The following FBN1 variants were observed in gnomAD, a reference collection of about 807,000 sequenced individuals.
The protein encoded by FBN1 is fibrillin-1.
FBN1 carries 29 observed loss-of-function variants against 365.1 expected under a neutral mutation model. The observed-to-expected ratio is 0.08, with a 90% CI of 0.06 to 0.11. The LOEUF is 0.11. FBN1 is among the 10% of genes least tolerant of loss of function. The pLI is 1.00. For synonymous variants in FBN1, 1,210 were observed against 1,270.5 expected, an observed-to-expected ratio of 0.95 and a Z score of 1.01; for missense variants, 2,476 against 3,703.2, an observed-to-expected ratio of 0.67 and a Z score of 8.60.
intron 32 of FBN1, among the ~76,000 whole-genome samples, 200 bp downstream of exon 32, chr15:48,481,455 A>G (rs1438655530): frequency 2.0e-5 from 3 of 152,228 alleles, no homozygotes; most frequent in African/African-American, 7.2e-5. Context: ...CCACAGGTCA[A>G]GAAAAAAACC....
At chr15:48,549,389 A>G (rs2044123682) in intron 6 of FBN1, among the ~76,000 whole-genome samples, 1 of 152,238 alleles carries the variant, frequency 6.6e-6, no homozygotes, top group Non-Finnish European at 1.5e-5. Flanking sequence ...CGGCATGTAC[A>G]TGATGCACAG....
In FBN1 at chr15:48,602,868, C is replaced by T. The variant is rs1038815204; in HGVS notation, c.347-2634G>A. Among the ~76,000 whole-genome samples the T allele has an allele frequency of 1.1e-4, 17 of 152,120 alleles. 1 individual carries two copies. Among genetic ancestry groups the T allele is most frequent in the Admixed American group, 3.9e-4 (6 of 15,258 alleles). On this transcript the variant is annotated intron_variant, in intron 4 of 65. Transcript: ENST00000316623. ...ATTTGAAGTTAAACTTAGCTTCATC[C>T]TATCTTAGAAAAACAGTGAGGATTG...
intron 8 of FBN1, among the ~76,000 whole-genome samples, chr15:48,531,034 G>A (rs1342108878): frequency 6.6e-6 from 1 of 152,104 alleles, no homozygotes; most frequent in Non-Finnish European, 1.5e-5. Context: ...AAAGAAAAAT[G>A]TTCATGTGTT....
intron 58 of FBN1, 83 bp from the exon 59 acceptor site, chr15:48,425,947 C>G: frequency 9.1e-7 from 1 of 1,094,976 alleles, no homozygotes; most frequent in Non-Finnish European, 1.4e-6. Context: ...AGTGTAAATA[C>G]TAATAAATTG....
At chr15:48,492,369 C>A in intron 24 of FBN1, 92 bp downstream of exon 24, 1 of 1,306,164 alleles carries the variant, frequency 7.7e-7, no homozygotes, top group East Asian at 2.5e-5. Context: ...GTGTCTGTAC[C>A]TGAAGCTAAG....
intron 5 of FBN1, among the ~76,000 whole-genome samples, chr15:48,599,388 CTA>C (rs2044542804): frequency 6.6e-6 from 1 of 152,004 alleles, no homozygotes; most frequent in Admixed American, 6.5e-5. Context: ...GGTACAAAAA[CTA>C]TATATACAGT....
chr15:48,526,027 C>T lies in FBN1; in HGVS notation c.988+103G>A, dbSNP rs559233444. 2.1e-6 allele frequency: 3 copies of T among 1,450,598 alleles called. No individual in the cohort carries two copies. The South Asian group carries it at 3.4e-5, about 17-fold the overall frequency. 89.9% of individuals were successfully genotyped at this position (1,450,598 alleles called of 1,614,324 possible). ...TTTTCCAAAAATGTACATTTTACCT[C>T]AGTTGATAAATTATATGTGCTCCTT... On this transcript the variant is annotated intron_variant, in intron 9 of 65. Transcript: ENST00000316623.
chr15:48,575,897 T>A (rs1234409119), intron 6 of FBN1, among the ~76,000 whole-genome samples: 1 of 151,488 alleles, frequency 6.6e-6, no homozygotes, highest in Non-Finnish European at 1.5e-5. Context: ...TTTTGCAGCA[T>A]CATGGTTAGA....
At chr15:48,531,772 G>T in intron 8 of FBN1, among the ~76,000 whole-genome samples, 1 of 152,102 alleles carries the variant, frequency 6.6e-6, no homozygotes, top group Non-Finnish European at 1.5e-5. Context: ...TTTCTTACCA[G>T]AGTAAGACAG....
rs2043338407 is a variant in FBN1, at chr15:48,468,109, A to C, written c.4583-7T>G. On this transcript the variant is annotated splice_polypyrimidine_tract_variant and splice_region_variant and intron_variant, in intron 37 of 65. Transcript: ENST00000316623. ...CAATTTCCAGAGCGGGTATCTATTTACCATATACAAACACAAAAGCATCAG... is the reference window on the plus strand; with the variant it reads ...CAATTTCCAGAGCGGGTATCTATTTCCCATATACAAACACAAAAGCATCAG... The C allele has an allele frequency of 1.9e-6, 3 of 1,613,976 alleles. No homozygotes were observed.
At chr15:48,470,916 C>T (rs1203335290) in intron 35 of FBN1, among the ~76,000 whole-genome samples, 160 bp from the exon 36 acceptor site, 1 of 152,156 alleles carries the variant, frequency 6.6e-6, no homozygotes, top group Non-Finnish European at 1.5e-5. Context: ...ATTTGCCATG[C>T]ACAGTGAAGT....
At chr15:48,520,612 T>A in intron 10 of FBN1, 47 bp downstream of exon 10, 2 of 1,610,062 alleles carry the variant, frequency 1.2e-6, no homozygotes, top group Non-Finnish European at 8.5e-7. Flanking sequence ...ACTGGGCTTG[T>A]GAGGGCTGGG....
At chr15:48,452,452 T>A in intron 45 of FBN1, 110 bp downstream of exon 45, 1 of 1,318,710 alleles carries the variant, frequency 7.6e-7, no homozygotes, top group Non-Finnish European at 1.1e-6. Context: ...AATCTAAATC[T>A]TAACTCATAT....
In FBN1 at chr15:48,631,079, T is replaced by C. The variant is rs190358030; in HGVS notation, c.164+13527A>G. Among the ~76,000 whole-genome samples the C allele has an allele frequency of 1.3e-3, 194 of 152,296 alleles. 3 individuals carry two copies. The highest frequency in any genetic ancestry group is 8.9e-3 in the Admixed American group (136 of 15,288). ...TACGAAAGCTATGCCTAAATTAAGA[T>C]AATGTATGTTTTGTTCCACTCTCAC... On this transcript the variant is annotated intron_variant, in intron 2 of 65. Transcript: ENST00000316623.
chr15:48,591,457 A>G (rs2044476108), intron 6 of FBN1, among the ~76,000 whole-genome samples: 1 of 152,216 alleles, frequency 6.6e-6, no homozygotes, highest in African/African-American at 2.4e-5. Flanking sequence ...TTCATTCCAT[A>G]TGTCTACTTC....
At chr15:48,543,719 C>A (rs1453731518) in intron 6 of FBN1, among the ~76,000 whole-genome samples, 2 of 152,112 alleles carry the variant, frequency 1.3e-5, no homozygotes, top group African/African-American at 4.8e-5. Flanking sequence ...GATTAAAAAT[C>A]ATAATAATCA....
chr15:48,545,060 G>C (rs1329185869), intron 6 of FBN1, among the ~76,000 whole-genome samples: 3 of 152,182 alleles, frequency 2.0e-5, no homozygotes. Context: ...TTTGACCACA[G>C]AGCATCAGCT....
intron 8 of FBN1, among the ~76,000 whole-genome samples, chr15:48,531,614 C>T (rs576846715): frequency 1.3e-5 from 2 of 152,282 alleles, no homozygotes; most frequent in African/African-American, 4.8e-5. Context: ...GGCCAGACTT[C>T]CTGGGTTCCC....
intron 56 of FBN1, among the ~76,000 whole-genome samples, chr15:48,430,211 A>G (rs907557614): frequency 6.6e-6 from 1 of 152,214 alleles, no homozygotes; most frequent in African/African-American, 2.4e-5. Context: ...GAGCTTTAAA[A>G]AAATATCAGT....
Sources: allele counts gnomAD v4.1 joint callset (sites outside exome capture counted in the v4.1 genomes callset), GRCh38; gene constraint gnomAD v4.1.1; transcripts MANE v1.5; gene names NCBI Gene and HGNC (gene_info 2026-07-23, HGNC 2026-07-21).